The following PTPN13 variants were observed in gnomAD, a reference collection of about 807,000 sequenced individuals.
PTPN13 encodes tyrosine-protein phosphatase non-receptor type 13.
A neutral mutation model predicts 284.0 loss-of-function variants in PTPN13; 191 were observed. That is an observed-to-expected ratio of 0.67 (90% confidence interval 0.60 to 0.76). PTPN13 has a LOEUF of 0.76. Ranked by LOEUF, PTPN13 falls within the 30% of genes least tolerant of loss-of-function variation. The pLI, the probability that PTPN13 is intolerant of heterozygous loss-of-function variation, is 0.00. For synonymous variants in PTPN13, 986 were observed against 1,022.3 expected (o/e 0.96, Z 0.68); for missense variants, 2,797 against 2,939.9 (o/e 0.95, Z 1.12).
chr4:86,606,074 G>C (rs1420278424), intron 1 of PTPN13, among the ~76,000 whole-genome samples: 2 of 151,892 alleles, frequency 1.3e-5, no homozygotes, highest in Non-Finnish European at 2.9e-5. Context: ...GAAATGGAAA[G>C]TGATTTTTTT....
At position 86,666,446 on chromosome 4, in the gene PTPN13, A is replaced by G. The variant is rs1447022258; in HGVS notation, c.116-5919A>G. On this transcript the variant is annotated intron_variant, in intron 2 of 47. Transcript: ENST00000411767. ...CTCTCTTTAGAAGAGCAGCTTAAAA[A>G]GGTTGTGGACCTGTGGTATAGACTT... 2.0e-5 allele frequency among the ~76,000 whole-genome samples: 3 copies of G among 152,174 alleles called. 1 individual carries two copies. The highest frequency in any genetic ancestry group is 4.4e-5 in the Non-Finnish European group (3 of 68,032).
intron 2 of PTPN13, among the ~76,000 whole-genome samples, chr4:86,637,260 A>G (rs1723135917): frequency 6.6e-6 from 1 of 151,736 alleles, no homozygotes; most frequent in African/African-American, 2.4e-5. Flanking sequence ...ACAAGGAGGA[A>G]CTGGTACCAT....
At chr4:86,709,120 G>A (rs1732097066) in intron 7 of PTPN13, among the ~76,000 whole-genome samples, 1 of 151,946 alleles carries the variant, frequency 6.6e-6, no homozygotes, top group Non-Finnish European at 1.5e-5. Flanking sequence ...TGCGTGGATA[G>A]ATAGATGATT....
At position 86,762,729 on chromosome 4, in the gene PTPN13, C is replaced by G. The variant is rs2149248467; in HGVS notation, c.3556C>G (p.Pro1186Ala). 6.3e-7 allele frequency: 1 copy of G among 1,585,870 alleles called. No individual in the cohort carries two copies. Among genetic ancestry groups the G allele is most frequent in the Middle Eastern group, 1.7e-4 (1 of 5,868 alleles). Residue 1186 changes from proline to alanine, a missense_variant and splice_region_variant, in exon 24 of 48, where the codon CCT (proline) becomes GCT (alanine). Pro to Ala is a conservative substitution (Grantham distance 27). Coordinates refer to ENST00000411767, the MANE Select transcript of PTPN13 (RefSeq NM_080683.3). The part of the protein sequence containing the change: ...SQPKEKISKV[P>A]STPVHLTNEM... ...CATTGATGGATTTTGACTTTTAGTG[C>G]CTTCTACTCCTGTGCATCTCACCAA... is the stretch of plus-strand genomic sequence containing the variant.
At chr4:86,634,683 G>A (rs1421367374) in intron 1 of PTPN13, among the ~76,000 whole-genome samples, 2 of 152,170 alleles carry the variant, frequency 1.3e-5, no homozygotes, top group Non-Finnish European at 2.9e-5. Flanking sequence ...AGGGAAAATG[G>A]TGAGTTGCCA....
At position 86,660,565 on chromosome 4, in the gene PTPN13, A is replaced by C. The variant is rs147051121; in HGVS notation, c.116-11800A>C. On this transcript the variant is annotated intron_variant, in intron 2 of 47. Coordinates refer to ENST00000411767, the MANE Select transcript of PTPN13 (RefSeq NM_080683.3). Reference sequence around the variant, plus strand: ...TATAGCCATAATTTTGTTGATTAAGAGGGTGTATTAGTTGTCTTTGACATG... The same window carrying C: ...TATAGCCATAATTTTGTTGATTAAGCGGGTGTATTAGTTGTCTTTGACATG... Among the ~76,000 whole-genome samples the C allele has an allele frequency of 5.4e-3, 828 of 152,264 alleles. 7 individuals carry two copies. The highest frequency in any genetic ancestry group is 0.018 in the African/African-American group (740 of 41,576).
intron 35 of PTPN13, among the ~76,000 whole-genome samples, chr4:86,779,941 T>C (rs531180782): frequency 4.6e-5 from 7 of 152,308 alleles, no homozygotes; most frequent in Non-Finnish European, 8.8e-5. Flanking sequence ...TGAACTGTGA[T>C]TTCTAAGTTA....
chr4:86,803,760 T>C lies in PTPN13; in HGVS notation c.6557T>C (p.Val2186Ala), dbSNP rs1352763810. 2 of 1,613,912 alleles carry C rather than the reference T, an allele frequency of 1.2e-6. No individual in the cohort carries two copies. The highest frequency in any genetic ancestry group is 3.3e-5 in the Admixed American group (2 of 60,018). ...CTCGCTGTACTCCCTGTCGTCAAAG[T>C]GCTTCCCTCTGGTAAATACACGGGT... is the stretch of plus-strand genomic sequence containing the variant. ...DELAVLPVVK[V>A]LPSGKYTGAN... Residue 2186 changes from valine (V) to alanine (A), a missense_variant, in exon 43 of 48, where the codon GTG (valine) becomes GCG (alanine). Val to Ala is a moderately conservative substitution (Grantham distance 64, BLOSUM62 0). Transcript: ENST00000411767.
At chr4:86,814,405 A>G (rs1026656422) in intron 47 of PTPN13, 51 bp from the exon 48 acceptor site, 5 of 1,177,310 alleles carry the variant, frequency 4.2e-6, no homozygotes, top group East Asian at 2.6e-5. Context: ...TATATATATA[A>G]TATTTACATT....
intron 3 of PTPN13, among the ~76,000 whole-genome samples, chr4:86,683,658 C>G (rs1729139917): frequency 1.3e-5 from 2 of 152,148 alleles, no homozygotes; most frequent in Admixed American, 1.3e-4. Context: ...TTGACACATA[C>G]AACTAACTAT....
chr4:86,708,375 CTTCTT>C (rs149148003), intron 7 of PTPN13, among the ~76,000 whole-genome samples: 6,934 of 152,114 alleles, frequency 0.046, 202 homozygotes, highest in African/African-American at 0.058. Flanking sequence ...ATTTACTTCT[CTTCTT>C]TCGGTTTATC....
At chr4:86,809,510 C>T (rs1744995481) in intron 45 of PTPN13, among the ~76,000 whole-genome samples, 1 of 152,014 alleles carries the variant, frequency 6.6e-6, no homozygotes, top group Non-Finnish European at 1.5e-5. Flanking sequence ...GCAGCCTGAC[C>T]AACATGGTGA....
intron 10 of PTPN13, among the ~76,000 whole-genome samples, chr4:86,730,686 C>T (rs958259557): frequency 6.7e-6 from 1 of 149,358 alleles, no homozygotes; most frequent in African/African-American, 2.4e-5. Flanking sequence ...CGGGAGTGTT[C>T]CGTTTTTCCA....
chr4:86,769,858 A>G lies in PTPN13; in HGVS notation c.4579A>G (p.Asn1527Asp). ...REDNLIPEQI[N>D]ASIVRVKKLF... ...AGATAATCTTATACCGGAGCAAATTAATGCCAGCATAGTAAGGGTTAAAAA... is the reference window on the plus strand; with the variant it reads ...AGATAATCTTATACCGGAGCAAATTGATGCCAGCATAGTAAGGGTTAAAAA... The change falls in exon 29 of 48, where the codon AAT becomes GAT. Residue 1527 changes from asparagine to aspartate, a missense_variant. Coordinates refer to ENST00000411767, the MANE Select transcript of PTPN13 (RefSeq NM_080683.3). The G allele has an allele frequency of 6.2e-7, 1 of 1,613,912 alleles. No homozygotes were observed. The highest frequency in any genetic ancestry group is 8.5e-7 in the Non-Finnish European group (1 of 1,179,786).
intron 9 of PTPN13, among the ~76,000 whole-genome samples, chr4:86,717,373 G>C (rs62308418): frequency 4.6e-5 from 7 of 151,988 alleles, no homozygotes; most frequent in African/African-American, 1.7e-4. Flanking sequence ...ATTTTTAGTA[G>C]AGATGGGGTT....
chr4:86,802,145 TAGTGTG>T (rs1227401955), intron 42 of PTPN13, among the ~76,000 whole-genome samples: 6 of 143,952 alleles, frequency 4.2e-5, no homozygotes, highest in East Asian at 2.0e-4. Flanking sequence ...ATCAAGATTT[TAGTGTG>T]TGTGTGTGTG....
chr4:86,678,065 G>C (rs1728493217), intron 3 of PTPN13, among the ~76,000 whole-genome samples: 1 of 152,100 alleles, frequency 6.6e-6, no homozygotes, highest in Non-Finnish European at 1.5e-5. Context: ...GTAACCTAGA[G>C]TTAAATAAGT....
intron 36 of PTPN13, among the ~76,000 whole-genome samples, chr4:86,781,877 C>T (rs1369210944): frequency 2.6e-5 from 4 of 151,148 alleles, no homozygotes; most frequent in South Asian, 2.1e-4. Context: ...GCAGGAGAAT[C>T]GCTTGAACCA....
At chr4:86,789,316 A>C (rs181855818) in intron 40 of PTPN13, among the ~76,000 whole-genome samples, 12 of 152,280 alleles carry the variant, frequency 7.9e-5, no homozygotes, top group African/African-American at 2.9e-4. Context: ...TTTCTTAAGC[A>C]AAAACAAGGC....
Sources: gnomAD v4.1 joint callset for allele counts (sites outside exome capture counted in the v4.1 genomes callset) on GRCh38, gnomAD v4.1.1 for gene constraint, MANE v1.5 for transcripts, NCBI Gene and HGNC (gene_info 2026-07-23, HGNC 2026-07-21) for gene names.